Variants in GEN1 observed in about 807,000 individuals in gnomAD.
GEN1 encodes the protein GEN1 structure-specific endonuclease, also known as flap endonuclease GEN homolog 1.
A neutral mutation model predicts 67.6 loss-of-function variants in GEN1; 64 were observed. The observed-to-expected ratio is 0.95, with a 90% CI of 0.77 to 1.17. The LOEUF is 1.17. Among genes scored for constraint, GEN1 ranks in the 50% most tolerant of loss-of-function variants. The pLI is 0.00. For synonymous variants in GEN1, 371 were observed against 359.4 expected, an observed-to-expected ratio of 1.03 and a Z score of -0.37; for missense variants, 1,058 against 1,048.3, an observed-to-expected ratio of 1.01 and a Z score of -0.13.
In GEN1 at chr2:17,782,106, T is replaced by A. The variant is rs1672870753; in HGVS notation, c.*167T>A. 1 of 491,560 alleles carries A rather than the reference T, an allele frequency of 2.0e-6. No individual in the cohort carries two copies. The highest frequency in any genetic ancestry group is 3.2e-5 in the East Asian group (1 of 31,096). The allele number at this position is 491,560 out of a possible 1,614,324, so 30.4% of individuals were successfully genotyped here. A position where few individuals can be genotyped will look rare whatever the true frequency, so the allele number is the denominator to read the frequency against. ...TAATTTTTAAAAAGTCACCTAAAAC[T>A]CTGGTTTTAAAAGATCCTCTGTATT... On this transcript the variant is annotated 3_prime_UTR_variant, in exon 14 of 14. Transcript: ENST00000381254.
At chr2:17,764,270 T>C (rs1011138259) in intron 3 of GEN1, among the ~76,000 whole-genome samples, 2 of 152,160 alleles carry the variant, frequency 1.3e-5, no homozygotes, top group African/African-American at 4.8e-5. Flanking sequence ...AATGCAAACA[T>C]TAAAATTCAA....
intron 2 of GEN1, among the ~76,000 whole-genome samples, chr2:17,761,007 G>T (rs1426831310): frequency 6.6e-6 from 1 of 151,688 alleles, no homozygotes; most frequent in Non-Finnish European, 1.5e-5. Context: ...GAGATGGGCG[G>T]ATTATTTGAG....
rs965615616 is a variant in GEN1, at chr2:17,787,681, T to G, written c.*5742T>G. On this transcript the variant is annotated 3_prime_UTR_variant, in exon 14 of 14. Coordinates refer to ENST00000381254, the MANE Select transcript of GEN1 (RefSeq NM_001130009.3). Reference sequence around the variant, plus strand: ...GGTGTGGGGGCTCACATCAGCAGTTTGGGAGGCCGAGATGGGCAGATTGCC... The same window carrying G: ...GGTGTGGGGGCTCACATCAGCAGTTGGGGAGGCCGAGATGGGCAGATTGCC... 1 of 152,198 alleles carries G rather than the reference T, an allele frequency of 6.6e-6. No individual in the cohort carries two copies. The highest frequency in any genetic ancestry group is 2.4e-5 in the African/African-American group (1 of 41,430). The allele number at this position is 152,198 out of a possible 1,614,324, so 9.4% of individuals were successfully genotyped here.
At chr2:17,757,442 A>G (rs1671485468) in intron 1 of GEN1, among the ~76,000 whole-genome samples, 1 of 152,072 alleles carries the variant, frequency 6.6e-6, no homozygotes, top group Non-Finnish European at 1.5e-5. Flanking sequence ...ACAGTCCTAT[A>G]TATAAATGTG....
At chr2:17,763,365 A>G (rs932515879) in intron 3 of GEN1, among the ~76,000 whole-genome samples, 1 of 152,218 alleles carries the variant, frequency 6.6e-6, no homozygotes, top group Admixed American at 6.5e-5. Flanking sequence ...GAACCAGCAT[A>G]AAACAAAAAA....
At chr2:17,776,868 C>T (rs1368392512) in intron 11 of GEN1, among the ~76,000 whole-genome samples, 1 of 152,274 alleles carries the variant, frequency 6.6e-6, no homozygotes, top group Admixed American at 6.5e-5. Flanking sequence ...TGGTTTATGC[C>T]TGGATTAGCA....
At chr2:17,771,383 T>G in intron 7 of GEN1, 96 bp downstream of exon 7, 1 of 776,536 alleles carries the variant, frequency 1.3e-6, no homozygotes, top group South Asian at 1.5e-5. Context: ...AATAATACTT[T>G]GAAGGGTTTT....
At chr2:17,760,175 C>T in intron 2 of GEN1, 71 bp downstream of exon 2, 9 of 1,276,546 alleles carry the variant, frequency 7.1e-6, no homozygotes, top group East Asian at 2.6e-5. Flanking sequence ...TTTGTTTCAC[C>T]TTTTTTTTTC....
chr2:17,768,815 A>T lies in GEN1; in HGVS notation c.710+4A>T, dbSNP rs1672049906. On this transcript the variant is annotated splice_donor_region_variant and intron_variant, in intron 6 of 13. Transcript: ENST00000381254. The stretch of plus-strand genomic sequence containing the variant: ...AAGGGCAAAGTTTACTTCAGAGGTA[A>T]CTAATAATTACTTTCTCTTGTGACA... 2.0e-6 allele frequency: 3 copies of T among 1,525,270 alleles called. No individual in the cohort carries two copies. The highest frequency in any genetic ancestry group is 2.7e-6 in the Non-Finnish European group (3 of 1,100,794). 94.5% of individuals were successfully genotyped at this position (1,525,270 alleles called of 1,614,324 possible).
In GEN1 at chr2:17,773,274, A is replaced by G; in HGVS notation, c.1046A>G (p.Gln349Arg). Residue 349 changes from glutamine to arginine, a missense_variant, in exon 10 of 14, where the codon CAA (glutamine) becomes CGA (arginine). Transcript: ENST00000381254. ...AAATTGGTGAAGGTTATCAGGTACCAAAGACCTGATTTGTTATTGTTTCAG... is the reference window on the plus strand; with the variant it reads ...AAATTGGTGAAGGTTATCAGGTACCGAAGACCTGATTTGTTATTGTTTCAG... ...KDKLVKVIRY[Q>R]RPDLLLFQRF... is the part of the protein sequence containing the mutation. The G allele has an allele frequency of 1.3e-6, 2 of 1,595,772 alleles. No individual in the cohort carries two copies. Among genetic ancestry groups the G allele is most frequent in the Non-Finnish European group, 1.7e-6 (2 of 1,167,230 alleles).
chr2:17,778,322 A>ATG (rs10626432), intron 12 of GEN1, among the ~76,000 whole-genome samples: 248 of 19,102 alleles, frequency 0.013, 74 homozygotes, highest in African/African-American at 0.036. Context: ...ATACACACAC[A>ATG]CGTGTACATA....
chr2:17,764,138 CA>C (rs1671813122), intron 3 of GEN1, among the ~76,000 whole-genome samples: 1 of 152,178 alleles, frequency 6.6e-6, no homozygotes, highest in Non-Finnish European at 1.5e-5. Context: ...TGTGCATCAG[CA>C]AAATGATGTA....
chr2:17,787,576 A>T lies in GEN1; in HGVS notation c.*5637A>T, dbSNP rs984690232. On this transcript the variant is annotated 3_prime_UTR_variant, in exon 14 of 14. Coordinates refer to ENST00000381254, the MANE Select transcript of GEN1 (RefSeq NM_001130009.3). The stretch of plus-strand genomic sequence containing the variant: ...CCCACACCAGACTATGAACATCCTC[A>T]GGGCAGAGAAACTATATTGTACTTC... 6.6e-6 allele frequency: 1 copy of T among 152,240 alleles called. No individual in the cohort carries two copies. Among genetic ancestry groups the T allele is most frequent in the Non-Finnish European group, 1.5e-5 (1 of 68,074 alleles). 9.4% of individuals were successfully genotyped at this position (152,240 alleles called of 1,614,324 possible).
At chr2:17,768,482 G>A (rs2125135620) in intron 5 of GEN1, among the ~76,000 whole-genome samples, 1 of 152,238 alleles carries the variant, frequency 6.6e-6, no homozygotes, top group Middle Eastern at 3.4e-3. Context: ...ACCATCAGTG[G>A]TTTGGTATAT....
At position 17,783,959 on chromosome 2, in the gene GEN1, C is replaced by T. The variant is rs139054304; in HGVS notation, c.*2020C>T. 2 of 152,078 alleles carry T rather than the reference C, an allele frequency of 1.3e-5. No individual in the cohort carries two copies. Among genetic ancestry groups the T allele is most frequent in the East Asian group, 1.9e-4 (1 of 5,178 alleles). The allele number at this position is 152,078 out of a possible 1,614,324, so 9.4% of individuals were successfully genotyped here. Reference sequence around the variant, plus strand: ...TTAGGCAAGGATTTCTTAAATATACCCAAAGCATAGGCAACAAAAGAGAAT... The same window carrying T: ...TTAGGCAAGGATTTCTTAAATATACTCAAAGCATAGGCAACAAAAGAGAAT... On this transcript the variant is annotated 3_prime_UTR_variant, in exon 14 of 14. Transcript: ENST00000381254.
In GEN1 at chr2:17,785,769, C is replaced by G. The variant is rs1255987990; in HGVS notation, c.*3830C>G. The stretch of plus-strand genomic sequence containing the variant: ...ATCAGTGGGGCCTGGTGGCGTGCAC[C>G]TGTAATCCCAGCTACTCGGGAAGCT... On this transcript the variant is annotated 3_prime_UTR_variant, in exon 14 of 14. Coordinates refer to ENST00000381254, the MANE Select transcript of GEN1 (RefSeq NM_001130009.3). 1 of 152,392 alleles carries G rather than the reference C, an allele frequency of 6.6e-6. No individual in the cohort carries two copies. The highest frequency in any genetic ancestry group is 2.4e-5 in the African/African-American group (1 of 41,396). 9.4% of individuals were successfully genotyped at this position (152,392 alleles called of 1,614,324 possible).
intron 3 of GEN1, among the ~76,000 whole-genome samples, chr2:17,763,443 T>C (rs1251184760): frequency 1.3e-5 from 2 of 152,180 alleles, no homozygotes; most frequent in African/African-American, 4.8e-5. Context: ...GTAATTATGG[T>C]GTTCTTAGGC....
chr2:17,772,704 CTA>C lies in GEN1; in HGVS notation c.875_876del (p.Tyr292Ter). ...GTGATAAATATTGTGAGCCACATGA[CTA>C]TGAATACTGCTGTCCTTGTGAGTGG... is the stretch of plus-strand genomic sequence containing the variant. ...KSDKYCEPHD[Y>X]EYCCPCEWHR... On this transcript the variant is annotated frameshift_variant, in exon 8 of 14. Transcript: ENST00000381254. LOFTEE classifies it high-confidence loss of function. 6 of 1,611,876 alleles carry C rather than the reference CTA, an allele frequency of 3.7e-6. No individual in the cohort carries two copies. The highest frequency in any genetic ancestry group is 5.1e-6 in the Non-Finnish European group (6 of 1,178,398).
In GEN1 at chr2:17,788,340, C is replaced by T. The variant is rs1256179831; in HGVS notation, c.*6401C>T. The T allele has an allele frequency of 6.6e-6, 1 of 152,164 alleles. No individual in the cohort carries two copies. Among genetic ancestry groups the T allele is most frequent in the African/African-American group, 2.4e-5 (1 of 41,440 alleles). The allele number at this position is 152,164 out of a possible 1,614,324, so 9.4% of individuals were successfully genotyped here. ...TGACATGCTGCAGAGTCAGCCCCAG[C>T]AATAGTCCAAAACAGTGGGACTCTT... On this transcript the variant is annotated 3_prime_UTR_variant, in exon 14 of 14. Coordinates refer to ENST00000381254, the MANE Select transcript of GEN1 (RefSeq NM_001130009.3).
Sources: allele counts gnomAD v4.1 joint callset (sites outside exome capture counted in the v4.1 genomes callset), GRCh38; gene constraint gnomAD v4.1.1; transcripts MANE v1.5; gene names NCBI Gene and HGNC (gene_info 2026-07-23, HGNC 2026-07-21).